The following NSFL1C variants were observed in gnomAD, a reference collection of about 807,000 sequenced individuals.
The protein encoded by NSFL1C is NSFL1 cofactor, also known as NSFL1 cofactor p47.
In NSFL1C, 14 loss-of-function variants were observed where a neutral mutation model predicts 43.1. The observed-to-expected ratio is 0.32, with a 90% CI of 0.21 to 0.51. The LOEUF (loss-of-function observed/expected upper bound fraction) is 0.51. NSFL1C is among the 20% of genes least tolerant of loss of function. The probability of loss-of-function intolerance (pLI) is 0.98; values close to 1 mark genes in which losing one functional copy is unlikely to be tolerated. For missense variants in NSFL1C, 406 were observed against 472.5 expected (o/e 0.86, Z 1.30); for synonymous variants, 171 against 183.5 (o/e 0.93, Z 0.55).
chr20:1,450,497 A>G (rs2090161237), intron 7 of NSFL1C, among the ~76,000 whole-genome samples: 2 of 152,250 alleles, frequency 1.3e-5, no homozygotes, highest in South Asian at 2.1e-4. Flanking sequence ...TCATGCTAAA[A>G]TAGACTTTAA....
intron 7 of NSFL1C, among the ~76,000 whole-genome samples, chr20:1,448,549 T>C (rs2090119567): frequency 6.6e-6 from 1 of 152,192 alleles, no homozygotes; most frequent in Non-Finnish European, 1.5e-5. Context: ...ATGCCTGGAC[T>C]TGGCTGTGTA....
chr20:1,459,203 CCA>C (rs2090363059), intron 2 of NSFL1C, among the ~76,000 whole-genome samples: 2 of 152,018 alleles, frequency 1.3e-5, no homozygotes, highest in Non-Finnish European at 2.9e-5. Context: ...ATTGTAATTC[CCA>C]GTGTTGGAGG....
Position 1,443,864 on chromosome 20 carries a change from G to C in NSFL1C, c.998C>G (p.Ala333Gly). 4 of 1,613,616 alleles carry C rather than the reference G, an allele frequency of 2.5e-6. No homozygotes were observed. In the South Asian group the frequency reaches 4.4e-5, roughly 18 times the overall value. Residue 333 changes from alanine (A) to glycine (G), a missense_variant, in exon 9 of 9, where the codon GCT (alanine) becomes GGT (glycine). Ala to Gly is a moderately conservative substitution (Grantham distance 60). Coordinates refer to ENST00000216879, the MANE Select transcript of NSFL1C (RefSeq NM_016143.5). ...LFIVDARPAM[A>G]ATSFILMTTF... ...AGTCATGAGGATAAAGCTGGTGGCA[G>C]CCATGGCTGGCCGGGCATCCACGAT...
chr20:1,445,648 C>T lies in NSFL1C; in HGVS notation c.950+18G>A, dbSNP rs1212537060. 3.7e-6 allele frequency: 6 copies of T among 1,611,234 alleles called. No individual in the cohort carries two copies. In the African/African-American group the frequency reaches 8.0e-5, roughly 22 times the overall value. On this transcript the variant is annotated intron_variant, in intron 8 of 8. Coordinates refer to ENST00000216879, the MANE Select transcript of NSFL1C (RefSeq NM_016143.5). ...GAGGACACTCCTAGAATAAGCTAGG[C>T]CACACAATGCAAGGTACCTGTGGCT...
chr20:1,457,230 C>CCAAAAAATG (rs2090321199), intron 3 of NSFL1C: 1 of 152,150 alleles, frequency 6.6e-6, no homozygotes, highest in East Asian at 1.9e-4. Context: ...AAGAAATATA[C>CCAAAAAATG]CAAAAAATGG....
chr20:1,463,661 C>T (rs1243288088), intron 2 of NSFL1C, among the ~76,000 whole-genome samples: 8 of 152,094 alleles, frequency 5.3e-5, no homozygotes, highest in Non-Finnish European at 7.4e-5. Context: ...AGCAATAAGG[C>T]GAAAGCAGAG....
At chr20:1,459,130 A>G (rs2090361183) in intron 2 of NSFL1C, among the ~76,000 whole-genome samples, 2 of 152,208 alleles carry the variant, frequency 1.3e-5, no homozygotes, top group African/African-American at 4.8e-5. Flanking sequence ...CAGCTTCCAT[A>G]TAATATGGGA....
chr20:1,446,996 T>C (rs763181036), intron 7 of NSFL1C, among the ~76,000 whole-genome samples: 11 of 152,246 alleles, frequency 7.2e-5, no homozygotes, highest in Non-Finnish European at 1.0e-4. Flanking sequence ...TCAGAGGCCA[T>C]TGGCACATTA....
chr20:1,453,680 T>A (rs2090232306), intron 5 of NSFL1C, among the ~76,000 whole-genome samples: 1 of 152,160 alleles, frequency 6.6e-6, no homozygotes, highest in Non-Finnish European at 1.5e-5. Context: ...CCAAAATGAT[T>A]TAAAACATAT....
At chr20:1,460,294 C>T (rs1258940873) in intron 2 of NSFL1C, among the ~76,000 whole-genome samples, 1 of 152,158 alleles carries the variant, frequency 6.6e-6, no homozygotes, top group Non-Finnish European at 1.5e-5. Context: ...TACAGTGAAC[C>T]TGTCAGAAAT....
chr20:1,448,696 T>C (rs931819190), intron 7 of NSFL1C, among the ~76,000 whole-genome samples: 3 of 152,208 alleles, frequency 2.0e-5, no homozygotes, highest in African/African-American at 7.2e-5. Context: ...TGTATTAACT[T>C]ACTTAACCCA....
chr20:1,466,733 C>T lies in NSFL1C; in HGVS notation c.92G>A (p.Gly31Asp). 1.9e-6 allele frequency: 3 copies of T among 1,556,906 alleles called. No individual in the cohort carries two copies. The highest frequency in any genetic ancestry group is 1.7e-6 in the Non-Finnish European group (2 of 1,154,380). Residue 31 changes from glycine (G) to aspartate (D), a missense_variant, in exon 1 of 9, where the codon GGC becomes GAC. Coordinates refer to ENST00000216879, the MANE Select transcript of NSFL1C (RefSeq NM_016143.5). Reference sequence around the variant, plus strand: ...GCGCGGCGCTACCTGCAAGTCCCAGCCGGCCGACTCGAGAAAGAAGCGGGC... The same window carrying T: ...GCGCGGCGCTACCTGCAAGTCCCAGTCGGCCGACTCGAGAAAGAAGCGGGC... The part of the protein sequence containing the change: ...DRARFFLESA[G>D]WDLQIALASF...
intron 8 of NSFL1C, among the ~76,000 whole-genome samples, chr20:1,444,532 A>G (rs1445073660): frequency 6.6e-6 from 1 of 152,218 alleles, no homozygotes; most frequent in African/African-American, 2.4e-5. Flanking sequence ...GAACCTGGAG[A>G]TCATATGACA....
At chr20:1,459,756 G>A (rs776689406) in intron 2 of NSFL1C, among the ~76,000 whole-genome samples, 2 of 152,200 alleles carry the variant, frequency 1.3e-5, no homozygotes, top group African/African-American at 2.4e-5. Context: ...GGTTCAAAAG[G>A]ATCCAAGTGA....
At chr20:1,466,529 C>T (rs2090516394) in intron 1 of NSFL1C, among the ~76,000 whole-genome samples, 191 bp downstream of exon 1, 1 of 152,224 alleles carries the variant, frequency 6.6e-6, no homozygotes, top group Admixed American at 6.5e-5. Context: ...CTGGCTGGGG[C>T]TGGCCCGCGT....
intron 4 of NSFL1C, 148 bp downstream of exon 4, chr20:1,454,819 G>T: frequency 1.2e-6 from 1 of 830,838 alleles, no homozygotes; most frequent in Non-Finnish European, 1.9e-6. Context: ...GTTAAAGGGT[G>T]AGATAAACTA....
chr20:1,443,474 A>G lies in NSFL1C; in HGVS notation c.*275T>C, dbSNP rs1161735224. The G allele has an allele frequency of 3.3e-6, 1 of 307,520 alleles. No homozygotes were observed. The allele number at this position is 307,520 out of a possible 1,614,324, so 19.0% of individuals were successfully genotyped here. On this transcript the variant is annotated 3_prime_UTR_variant, in exon 9 of 9. Coordinates refer to ENST00000216879, the MANE Select transcript of NSFL1C (RefSeq NM_016143.5). The stretch of plus-strand genomic sequence containing the variant: ...AGCAATTAAAGCCTGCTTCAGTGGG[A>G]GAGTTTCCGTACAACATGCTGGTGA...
chr20:1,457,224 A>C (rs1255800659), intron 3 of NSFL1C: 1 of 152,238 alleles, frequency 6.6e-6, no homozygotes, highest in Non-Finnish European at 1.5e-5. Context: ...GCTGGAAAGA[A>C]ATATACCAAA....
At chr20:1,466,241 A>G (rs1366604568) in intron 1 of NSFL1C, among the ~76,000 whole-genome samples, 1 of 152,094 alleles carries the variant, frequency 6.6e-6, no homozygotes, top group African/African-American at 2.4e-5. Context: ...AGAAGCTCCA[A>G]CCTTGCGCCA....
Sources: gnomAD v4.1 joint callset for allele counts (sites outside exome capture counted in the v4.1 genomes callset) on GRCh38, gnomAD v4.1.1 for gene constraint, MANE v1.5 for transcripts, NCBI Gene and HGNC (gene_info 2026-07-23, HGNC 2026-07-21) for gene names.